The following CLYBL variants were observed in gnomAD, a reference collection of about 807,000 sequenced individuals.
CLYBL encodes the protein citramalyl-CoA lyase, mitochondrial.
Under a neutral mutation model 38.9 loss-of-function variants are expected in CLYBL, and 31 were observed. That is an observed-to-expected ratio of 0.80 (90% CI 0.60 to 1.08). The LOEUF is 1.08. CLYBL is among the 50% of genes least tolerant of loss of function. The pLI, the probability that CLYBL is intolerant of heterozygous loss-of-function variation, is 0.00. For missense variants in CLYBL, 434 were observed against 411.6 expected (o/e 1.05, Z -0.47); for synonymous variants, 171 against 158.6 (o/e 1.08, Z -0.59).
intron 2 of CLYBL, among the ~76,000 whole-genome samples, chr13:99,791,116 A>G (rs1334204521): frequency 6.6e-6 from 1 of 152,180 alleles, no homozygotes; most frequent in Non-Finnish European, 1.5e-5. Context: ...ATTTGATACC[A>G]GCAGTCTGAG....
intron 1 of CLYBL, among the ~76,000 whole-genome samples, chr13:99,750,703 A>G (rs771045943): frequency 2.3e-4 from 34 of 144,714 alleles, no homozygotes; most frequent in Non-Finnish European, 4.0e-4. Flanking sequence ...AAATTTATTG[A>G]TGTATTATTT....
At chr13:99,672,196 T>C (rs117514829) in intron 1 of CLYBL, among the ~76,000 whole-genome samples, 41,586 of 150,054 alleles carry the variant, frequency 0.28, 6,823 homozygotes, top group East Asian at 0.56. Context: ...ATTTCTTTTT[T>C]TTTTTCTTTT....
intron 2 of CLYBL, among the ~76,000 whole-genome samples, chr13:99,833,030 ATTTTTTTTTT>A (rs869061868): frequency 8.9e-4 from 32 of 35,848 alleles, no homozygotes; most frequent in East Asian, 1.7e-3. Context: ...ATATATATAT[ATTTTTTTTTT>A]TTTTTTTTTT....
At chr13:99,661,417 A>C (rs1338333808) in intron 1 of CLYBL, among the ~76,000 whole-genome samples, 1 of 151,952 alleles carries the variant, frequency 6.6e-6, no homozygotes, top group African/African-American at 2.4e-5. Context: ...ACTGAGATCA[A>C]AACATTTTTC....
chr13:99,878,019 A>G (rs1384425478), intron 7 of CLYBL, among the ~76,000 whole-genome samples: 1 of 152,200 alleles, frequency 6.6e-6, no homozygotes, highest in Non-Finnish European at 1.5e-5. Flanking sequence ...GGGAATAAAG[A>G]ATTCTCTCTA....
chr13:99,638,134 A>G (rs1354192173), intron 1 of CLYBL, among the ~76,000 whole-genome samples: 1 of 151,236 alleles, frequency 6.6e-6, no homozygotes, highest in South Asian at 2.1e-4. Flanking sequence ...TTTATTTTTT[A>G]ATTTTTTGTA....
At chr13:99,788,334 A>G (rs1318105586) in intron 2 of CLYBL, among the ~76,000 whole-genome samples, 1 of 151,838 alleles carries the variant, frequency 6.6e-6, no homozygotes, top group Non-Finnish European at 1.5e-5. Flanking sequence ...CTGGCTGTGG[A>G]TTTGTCATAA....
At chr13:99,700,262 G>T (rs967661994) in intron 1 of CLYBL, among the ~76,000 whole-genome samples, 7 of 152,074 alleles carry the variant, frequency 4.6e-5, no homozygotes, top group African/African-American at 1.7e-4. Context: ...AGACTAGCCT[G>T]ACCAACATGG....
At chr13:99,801,449 T>TA (rs913267541) in intron 2 of CLYBL, among the ~76,000 whole-genome samples, 2 of 151,900 alleles carry the variant, frequency 1.3e-5, no homozygotes, top group Non-Finnish European at 2.9e-5. Context: ...ATTTTTTTTT[T>TA]ATCAGCCTGA....
chr13:99,783,309 C>T lies in CLYBL; in HGVS notation c.249+10299C>T, dbSNP rs2049701749. ...CCACTTGCCTCGGCCTCCCAAAGTA[C>T]TGGAATTTCCGGTGTGAGCCGCCAT... is the stretch of plus-strand genomic sequence containing the variant. On this transcript the variant is annotated intron_variant, in intron 2 of 8. Coordinates refer to ENST00000339105, the MANE Select transcript of CLYBL (RefSeq NM_206808.5). Among the ~76,000 whole-genome samples the T allele has an allele frequency of 2.0e-5, 3 of 152,170 alleles. No homozygotes were observed. In the South Asian group the frequency reaches 6.2e-4, roughly 32 times the overall value.
intron 2 of CLYBL, among the ~76,000 whole-genome samples, chr13:99,826,823 G>A (rs925362227): frequency 2.6e-5 from 4 of 152,194 alleles, no homozygotes; most frequent in African/African-American, 9.6e-5. Flanking sequence ...TCGCCCTGTT[G>A]GAACACATGC....
intron 1 of CLYBL, among the ~76,000 whole-genome samples, chr13:99,717,416 ACT>A (rs1415813227): frequency 6.8e-5 from 9 of 133,174 alleles, no homozygotes; most frequent in Admixed American, 2.4e-4. Flanking sequence ...ACAGAGTGAG[ACT>A]CTATCTCAAA....
In CLYBL at chr13:99,873,325, G is replaced by A. The variant is rs557998923; in HGVS notation, c.927+2263G>A. ...TGTGGGTTCTGTTTGTAAAGATTTT[G>A]TGTAAATAGGTTGCACAATTATATA... On this transcript the variant is annotated intron_variant, in intron 7 of 8. Coordinates refer to ENST00000339105, the MANE Select transcript of CLYBL (RefSeq NM_206808.5). Among the ~76,000 whole-genome samples the A allele has an allele frequency of 6.5e-4, 99 of 152,302 alleles. 1 individual carries two copies. Among genetic ancestry groups the A allele is most frequent in the South Asian group, 3.9e-3 (19 of 4,824 alleles).
chr13:99,797,751 T>C (rs2050053243), intron 2 of CLYBL, among the ~76,000 whole-genome samples: 1 of 152,192 alleles, frequency 6.6e-6, no homozygotes, highest in African/African-American at 2.4e-5. Context: ...CCATACATTA[T>C]TACAATAATA....
intron 1 of CLYBL, among the ~76,000 whole-genome samples, chr13:99,745,663 GA>G (rs770286688): frequency 4.6e-5 from 7 of 152,046 alleles, no homozygotes; most frequent in Non-Finnish European, 8.8e-5. Flanking sequence ...AATTAAGAAG[GA>G]AAAAACAATC....
intron 1 of CLYBL, among the ~76,000 whole-genome samples, chr13:99,730,525 C>T (rs1294469676): frequency 6.6e-6 from 1 of 152,144 alleles, no homozygotes; most frequent in Non-Finnish European, 1.5e-5. Context: ...CCATGCCAGG[C>T]GAAGAGGAAG....
At position 99,866,191 on chromosome 13, in the gene CLYBL, C is replaced by T. The variant is rs370914604; in HGVS notation, c.635-49C>T. 34 of 1,558,572 alleles carry T rather than the reference C, an allele frequency of 2.2e-5. No homozygotes were observed. In the East Asian group the frequency reaches 3.6e-4, roughly 16 times the overall value. On this transcript the variant is annotated intron_variant, in intron 5 of 8. Coordinates refer to ENST00000339105, the MANE Select transcript of CLYBL (RefSeq NM_206808.5). The stretch of plus-strand genomic sequence containing the variant: ...AGGTTTTATAATAAATATCTGGGTG[C>T]GGTTTCCAAAGTTAAAGCCTCCTTT...
At chr13:99,627,525 C>T (rs1213856596) in intron 1 of CLYBL, among the ~76,000 whole-genome samples, 1 of 152,020 alleles carries the variant, frequency 6.6e-6, no homozygotes, top group Non-Finnish European at 1.5e-5. Flanking sequence ...GTTTTAAGTT[C>T]AGTTTTGTTG....
chr13:99,767,716 C>G (rs564655895), intron 1 of CLYBL, among the ~76,000 whole-genome samples: 6 of 152,142 alleles, frequency 3.9e-5, no homozygotes, highest in Non-Finnish European at 8.8e-5. Context: ...TTTCTTCTGC[C>G]TGCCAAATCT....
Sources: gnomAD v4.1 joint callset for allele counts (sites outside exome capture counted in the v4.1 genomes callset) on GRCh38, gnomAD v4.1.1 for gene constraint, MANE v1.5 for transcripts, NCBI Gene and HGNC (gene_info 2026-07-23, HGNC 2026-07-21) for gene names.